DTNBP1: variants seen among roughly 807,000 people sequenced by gnomAD.
DTNBP1 encodes the protein dysbindin.
In DTNBP1, 35 loss-of-function variants were observed where a neutral mutation model predicts 42.8. That is an observed-to-expected ratio of 0.82 (90% CI 0.63 to 1.09). The LOEUF (loss-of-function observed/expected upper bound fraction) is 1.09. Among genes scored for constraint, DTNBP1 ranks in the 50% least tolerant of loss-of-function variants. DTNBP1 has a pLI of 0.00. For synonymous variants in DTNBP1, 171 were observed against 162.2 expected (o/e 1.05, Z -0.41); for missense variants, 457 against 424.2 (o/e 1.08, Z -0.68).
At chr6:15,638,743 T>C (rs536515497) in intron 3 of DTNBP1, among the ~76,000 whole-genome samples, 128 of 152,292 alleles carry the variant, frequency 8.4e-4, no homozygotes, top group African/African-American at 2.9e-3. Context: ...ATTACTCTTC[T>C]GGTATTCTTA....
chr6:15,651,133 C>T (rs1760969577), intron 3 of DTNBP1, among the ~76,000 whole-genome samples, 180 bp downstream of exon 3: 1 of 152,104 alleles, frequency 6.6e-6, no homozygotes, highest in Non-Finnish European at 1.5e-5. Context: ...TTTGAATGGA[C>T]TTTGTACTAA....
At chr6:15,659,018 A>G (rs546944722) in intron 1 of DTNBP1, among the ~76,000 whole-genome samples, 18 of 152,336 alleles carry the variant, frequency 1.2e-4, no homozygotes, top group East Asian at 1.9e-4. Flanking sequence ...AAAAAAGGCC[A>G]TAAGTCCATG....
intron 8 of DTNBP1, among the ~76,000 whole-genome samples, chr6:15,528,595 C>G (rs539022351): frequency 5.9e-5 from 9 of 152,262 alleles, no homozygotes; most frequent in African/African-American, 2.2e-4. Flanking sequence ...TCGTTTCATT[C>G]CAACAGATTA....
chr6:15,626,674 T>C (rs1367437320), intron 5 of DTNBP1, among the ~76,000 whole-genome samples: 1 of 152,098 alleles, frequency 6.6e-6, no homozygotes, highest in Non-Finnish European at 1.5e-5. Context: ...ACCAACATAA[T>C]CCATCCAAAT....
At chr6:15,632,522 C>CG (rs2113754522) in intron 4 of DTNBP1, among the ~76,000 whole-genome samples, 1 of 152,200 alleles carries the variant, frequency 6.6e-6, no homozygotes, top group East Asian at 1.9e-4. Context: ...ACCATCTACC[C>CG]AAAACAACTC....
At chr6:15,577,057 C>G (rs768805947) in intron 7 of DTNBP1, among the ~76,000 whole-genome samples, 3 of 152,166 alleles carry the variant, frequency 2.0e-5, no homozygotes, top group Non-Finnish European at 4.4e-5. Flanking sequence ...GAATGATATA[C>G]AAAGTAAAAT....
Position 15,651,323 on chromosome 6 carries a change from A to C in DTNBP1, c.151T>G (p.Leu51Val). Residue 51 changes from leucine (L) to valine (V), a missense_variant, in exon 3 of 10, where the codon TTA (leucine) becomes GTA (valine). Leu to Val is a conservative substitution (Grantham distance 32, BLOSUM62 1). Transcript: ENST00000344537. Reference protein sequence around the residue: ...FLPKYSAGLELLSRYEDTWAA... With the variant: ...FLPKYSAGLEVLSRYEDTWAA... Reference sequence around the variant, plus strand: ...AAATGAAACACTTACCTGCTAAGTAATTCTAATCCAGCAGAGTACTTTGGC... The same window carrying C: ...AAATGAAACACTTACCTGCTAAGTACTTCTAATCCAGCAGAGTACTTTGGC... 1 of 1,611,994 alleles carries C rather than the reference A, an allele frequency of 6.2e-7. No homozygotes were observed.
At chr6:15,549,445 A>G (rs1774082140) in intron 7 of DTNBP1, among the ~76,000 whole-genome samples, 1 of 141,856 alleles carries the variant, frequency 7.0e-6, no homozygotes, top group Non-Finnish European at 1.5e-5. Context: ...AGACCGCGCC[A>G]TTGCACTCCA....
intron 5 of DTNBP1, among the ~76,000 whole-genome samples, chr6:15,618,012 C>T (rs1183764912): frequency 1.3e-5 from 2 of 152,032 alleles, no homozygotes; most frequent in African/African-American, 4.8e-5. Flanking sequence ...TGAATATATC[C>T]CTAGTACTGG....
chr6:15,550,029 T>C (rs1774122723), intron 7 of DTNBP1, among the ~76,000 whole-genome samples: 2 of 152,222 alleles, frequency 1.3e-5, no homozygotes, highest in African/African-American at 4.8e-5. Context: ...TGAGGGAACC[T>C]GACTACTGAT....
chr6:15,560,499 A>G (rs1048947457), intron 7 of DTNBP1, among the ~76,000 whole-genome samples: 2 of 152,230 alleles, frequency 1.3e-5, no homozygotes, highest in Non-Finnish European at 2.9e-5. Flanking sequence ...AATTATTTGC[A>G]TAAGTACAGT....
In DTNBP1 at chr6:15,605,937, G is replaced by T. The variant is rs189515976; in HGVS notation, c.488+9330C>A. The stretch of plus-strand genomic sequence containing the variant: ...TCCGTTCCAGTCTACAAAGGCACTG[G>T]TAACAGTAATATCATTTTACATGCA... On this transcript the variant is annotated intron_variant, in intron 6 of 9. Coordinates refer to ENST00000344537, the MANE Select transcript of DTNBP1 (RefSeq NM_032122.5). 3.9e-5 allele frequency among the ~76,000 whole-genome samples: 6 copies of T among 152,302 alleles called. No individual in the cohort carries two copies. In the East Asian group the frequency reaches 1.2e-3, roughly 29 times the overall value.
chr6:15,642,336 A>C (rs1002758149), intron 3 of DTNBP1, among the ~76,000 whole-genome samples: 25 of 152,182 alleles, frequency 1.6e-4, no homozygotes, highest in African/African-American at 6.0e-4. Flanking sequence ...TAGGAAGTGG[A>C]TCACGTTCCT....
At chr6:15,601,997 C>T (rs1323848708) in intron 6 of DTNBP1, among the ~76,000 whole-genome samples, 3 of 151,734 alleles carry the variant, frequency 2.0e-5, no homozygotes, top group Non-Finnish European at 4.4e-5. Flanking sequence ...ATTAGCCGGG[C>T]ACAATAATTC....
intron 7 of DTNBP1, among the ~76,000 whole-genome samples, chr6:15,559,247 A>C (rs1041483483): frequency 6.6e-6 from 1 of 152,216 alleles, no homozygotes; most frequent in Non-Finnish European, 1.5e-5. Flanking sequence ...TCCTCTTACA[A>C]CTACACGAGA....
intron 6 of DTNBP1, among the ~76,000 whole-genome samples, chr6:15,606,367 A>C (rs940018326): frequency 6.6e-6 from 1 of 152,226 alleles, no homozygotes; most frequent in Non-Finnish European, 1.5e-5. Flanking sequence ...TCTGGGACTC[A>C]ATCAGTTTGT....
chr6:15,564,182 G>A (rs916533953), intron 7 of DTNBP1, among the ~76,000 whole-genome samples: 2 of 151,930 alleles, frequency 1.3e-5, no homozygotes, highest in African/African-American at 4.8e-5. Flanking sequence ...GCTGTAACTC[G>A]GTGGCTCGGT....
chr6:15,651,446 A>G (rs749574918), intron 2 of DTNBP1, 83 bp from the exon 3 acceptor site: 3 of 1,528,134 alleles, frequency 2.0e-6, no homozygotes, highest in Non-Finnish European at 2.7e-6. Context: ...GAATTTTGAC[A>G]TTGTCAATTG....
intron 6 of DTNBP1, among the ~76,000 whole-genome samples, chr6:15,602,155 C>T (rs1776755827): frequency 6.6e-6 from 1 of 152,022 alleles, no homozygotes; most frequent in South Asian, 2.1e-4. Context: ...ATTATAGTGC[C>T]ATTTTTTTTT....
Sources: allele counts gnomAD v4.1 joint callset (sites outside exome capture counted in the v4.1 genomes callset), GRCh38; gene constraint gnomAD v4.1.1; transcripts MANE v1.5; gene names NCBI Gene and HGNC (gene_info 2026-07-23, HGNC 2026-07-21).